ATG10: variants seen among roughly 807,000 people sequenced by gnomAD.
The protein encoded by ATG10 is ubiquitin-like-conjugating enzyme ATG10.
In ATG10, 30 loss-of-function variants were observed where a neutral mutation model predicts 32.1. That is an observed-to-expected ratio of 0.94 (90% CI 0.70 to 1.27). The LOEUF is 1.27. Among genes scored for constraint, ATG10 ranks in the 50% most tolerant of loss-of-function variants. The pLI is 0.00. For missense variants in ATG10, 233 were observed against 262.3 expected (o/e 0.89, Z 0.77); for synonymous variants, 87 against 91.5 (o/e 0.95, Z 0.28).
intron 2 of ATG10, among the ~76,000 whole-genome samples, chr5:82,008,819 C>A (rs183138945): frequency 1.3e-5 from 2 of 152,144 alleles, no homozygotes; most frequent in Non-Finnish European, 2.9e-5. Flanking sequence ...ATGTCTATAT[C>A]TAATCTGACT....
intron 3 of ATG10, among the ~76,000 whole-genome samples, chr5:82,155,587 T>C (rs909741958): frequency 2.3e-4 from 35 of 152,190 alleles, no homozygotes; most frequent in Admixed American, 1.0e-3. Flanking sequence ...CTTGGCCCTT[T>C]AGAAAAATGT....
intron 2 of ATG10, among the ~76,000 whole-genome samples, chr5:82,037,036 C>T (rs1431858891): frequency 4.4e-5 from 6 of 135,318 alleles, no homozygotes; most frequent in Non-Finnish European, 6.2e-5. Context: ...GAGGCTGAGG[C>T]GGGAGAATCA....
At chr5:82,062,136 C>G (rs903990774) in intron 3 of ATG10, among the ~76,000 whole-genome samples, 21 of 151,898 alleles carry the variant, frequency 1.4e-4, no homozygotes, top group African/African-American at 5.1e-4. Context: ...AGGCTGAATT[C>G]TAAAAGAGTT....
chr5:82,161,595 T>C (rs1743345449), intron 3 of ATG10, among the ~76,000 whole-genome samples: 1 of 151,980 alleles, frequency 6.6e-6, no homozygotes, highest in Non-Finnish European at 1.5e-5. Context: ...CACTTTTCTA[T>C]AGAAATTAAT....
chr5:82,099,169 A>G (rs1180379088), intron 3 of ATG10, among the ~76,000 whole-genome samples: 2 of 152,174 alleles, frequency 1.3e-5, no homozygotes, highest in Admixed American at 1.3e-4. Context: ...CTTGAATATA[A>G]TATTTAGTTG....
chr5:82,231,851 C>G (rs1016582781), intron 5 of ATG10, among the ~76,000 whole-genome samples: 2 of 152,104 alleles, frequency 1.3e-5, no homozygotes, highest in African/African-American at 2.4e-5. Flanking sequence ...ATAGCTGTAA[C>G]TGGAGTATTA....
intron 5 of ATG10, among the ~76,000 whole-genome samples, chr5:82,230,504 C>T (rs1299246031): frequency 7.2e-5 from 11 of 151,838 alleles, no homozygotes; most frequent in African/African-American, 1.2e-4. Context: ...GATGCCGAGG[C>T]GGGTGGATCA....
At chr5:82,066,583 T>G (rs1413866355) in intron 3 of ATG10, among the ~76,000 whole-genome samples, 3 of 152,124 alleles carry the variant, frequency 2.0e-5, no homozygotes, top group African/African-American at 7.2e-5. Context: ...TTATAGAAAG[T>G]GAGGCCCTCG....
At chr5:82,021,563 A>G (rs921641261) in intron 2 of ATG10, among the ~76,000 whole-genome samples, 2 of 152,252 alleles carry the variant, frequency 1.3e-5, no homozygotes, top group African/African-American at 2.4e-5. Flanking sequence ...AAAAGTCTGT[A>G]CATGTTCAAA....
intron 5 of ATG10, among the ~76,000 whole-genome samples, chr5:82,194,170 G>A (rs1031264306): frequency 6.6e-6 from 1 of 152,138 alleles, no homozygotes; most frequent in Admixed American, 6.6e-5. Flanking sequence ...ACTATTATTT[G>A]TGTGTGTTAG....
intron 3 of ATG10, among the ~76,000 whole-genome samples, chr5:82,133,457 C>T (rs1766620245): frequency 1.3e-5 from 2 of 152,076 alleles, no homozygotes; most frequent in African/African-American, 4.8e-5. Context: ...GCCAGTTTCC[C>T]AACACCATTT....
intron 2 of ATG10, among the ~76,000 whole-genome samples, chr5:82,044,430 T>C (rs544935629): frequency 1.1e-4 from 17 of 152,254 alleles, no homozygotes; most frequent in African/African-American, 3.6e-4. Context: ...CACCTGCATA[T>C]TTATGGGTCC....
At chr5:81,993,336 C>CTTCCTTCTTTCTTTCTTTCT (rs1554039310) in intron 2 of ATG10, among the ~76,000 whole-genome samples, 7 of 77,734 alleles carry the variant, frequency 9.0e-5, no homozygotes, top group African/African-American at 4.5e-4. Flanking sequence ...TCCTTCCTTC[C>CTTCCTTCTTTCTTTCTTTCT]TTCTTTCTTT....
intron 4 of ATG10, among the ~76,000 whole-genome samples, chr5:82,177,226 G>A (rs148985323): frequency 1.1e-3 from 167 of 152,224 alleles, no homozygotes; most frequent in African/African-American, 3.9e-3. Flanking sequence ...TCATTTTGCA[G>A]GTAAAGTTAA....
chr5:82,214,686 C>G (rs572412128), intron 5 of ATG10, among the ~76,000 whole-genome samples: 2 of 152,296 alleles, frequency 1.3e-5, no homozygotes, highest in East Asian at 3.9e-4. Flanking sequence ...ATTTTTCAGA[C>G]TAGACTATAG....
intron 3 of ATG10, among the ~76,000 whole-genome samples, chr5:82,121,245 A>G (rs1766028116): frequency 6.6e-6 from 1 of 152,206 alleles, no homozygotes; most frequent in African/African-American, 2.4e-5. Context: ...TAAGAAGGTG[A>G]CAGAGGACAT....
intron 2 of ATG10, among the ~76,000 whole-genome samples, chr5:82,013,661 A>G (rs965691439): frequency 6.6e-6 from 1 of 151,894 alleles, no homozygotes; most frequent in Non-Finnish European, 1.5e-5. Flanking sequence ...ATCCACACCA[A>G]CATCTATTTT....
At chr5:82,198,270 A>G (rs1224664066) in intron 5 of ATG10, among the ~76,000 whole-genome samples, 1 of 152,192 alleles carries the variant, frequency 6.6e-6, no homozygotes, top group East Asian at 1.9e-4. Context: ...TTTGCATTTA[A>G]TAAACAAAAT....
chr5:81,979,172 T>A (rs1413931191), intron 1 of ATG10, among the ~76,000 whole-genome samples: 3 of 151,876 alleles, frequency 2.0e-5, no homozygotes, highest in Non-Finnish European at 4.4e-5. Context: ...AGTGCTGGGA[T>A]TACAGGCGTG....
Sources: gnomAD v4.1 joint callset for allele counts (sites outside exome capture counted in the v4.1 genomes callset) on GRCh38, gnomAD v4.1.1 for gene constraint, MANE v1.5 for transcripts, NCBI Gene and HGNC (gene_info 2026-07-23, HGNC 2026-07-21) for gene names.